The following PDE10A variants were observed in gnomAD, a reference collection of about 807,000 sequenced individuals.
PDE10A encodes cAMP and cAMP-inhibited cGMP 3',5'-cyclic phosphodiesterase 10A.
Under a neutral mutation model 97.7 loss-of-function variants are expected in PDE10A, and 39 were observed. The ratio of observed to expected loss-of-function variants is 0.40; its 90% CI spans 0.31 to 0.52. PDE10A has a LOEUF of 0.52. Among genes scored for constraint, PDE10A ranks in the 20% least tolerant of loss-of-function variants. The pLI, the probability that PDE10A is intolerant of heterozygous loss-of-function variation, is 0.56. For synonymous variants in PDE10A, 371 were observed against 376.8 expected (o/e 0.98, Z 0.18); for missense variants, 731 against 1,047.8 (o/e 0.70, Z 4.17).
At chr6:165,794,551 TCA>T (rs1236929637) in intron 1 of PDE10A, among the ~76,000 whole-genome samples, 1 of 151,328 alleles carries the variant, frequency 6.6e-6, no homozygotes, top group South Asian at 2.1e-4. Context: ...CATTACACAC[TCA>T]CAAGGTCACT....
At chr6:165,539,067 G>T (rs969532048) in intron 2 of PDE10A, among the ~76,000 whole-genome samples, 2 of 152,096 alleles carry the variant, frequency 1.3e-5, no homozygotes, top group Non-Finnish European at 1.5e-5. Flanking sequence ...TTCTGAGGAT[G>T]TATCGGCTTT....
chr6:165,890,656 C>T (rs1427417169), intron 1 of PDE10A, among the ~76,000 whole-genome samples: 1 of 152,196 alleles, frequency 6.6e-6, no homozygotes, highest in Admixed American at 6.5e-5. Context: ...AAAGACGTTC[C>T]TGCCTTTACC....
intron 18 of PDE10A, among the ~76,000 whole-genome samples, chr6:165,373,837 T>C (rs1441986781): frequency 6.6e-6 from 1 of 151,706 alleles, no homozygotes; most frequent in Non-Finnish European, 1.5e-5. Flanking sequence ...AACCCAAATG[T>C]CCAACAATGA....
Position 165,448,883 on chromosome 6 carries a change from A to G in PDE10A, c.1194+45T>C, listed in dbSNP as rs1791066169. On this transcript the variant is annotated intron_variant, in intron 5 of 21. Transcript: ENST00000539869. Reference sequence around the variant, plus strand: ...TATAACTTTTTTAAAGGAGCTTATGATATTTTCTTATCTAGAGCACCAAAA... The same window carrying G: ...TATAACTTTTTTAAAGGAGCTTATGGTATTTTCTTATCTAGAGCACCAAAA... 5 of 1,185,480 alleles carry G rather than the reference A, an allele frequency of 4.2e-6. No individual in the cohort carries two copies. In the East Asian group the frequency reaches 1.2e-4, roughly 28 times the overall value. The allele number at this position is 1,185,480 out of a possible 1,614,324, so 73.4% of individuals were successfully genotyped here. A position where few individuals can be genotyped will look rare whatever the true frequency, so the allele number is the denominator to read the frequency against.
At chr6:165,479,739 T>A (rs915211358) in intron 3 of PDE10A, among the ~76,000 whole-genome samples, 9 of 152,020 alleles carry the variant, frequency 5.9e-5, no homozygotes, top group Admixed American at 6.6e-5. Flanking sequence ...CCACAGCACC[T>A]TAGAACAATG....
intron 13 of PDE10A, 70 bp downstream of exon 13, chr6:165,413,431 G>A (rs769030921): frequency 6.4e-4 from 700 of 1,085,570 alleles, no homozygotes; most frequent in Non-Finnish European, 8.5e-4. Context: ...AAGCCCTTAA[G>A]CTGCTTTATG....
chr6:165,619,464 CTAGTG>C (rs1787978801), intron 1 of PDE10A, among the ~76,000 whole-genome samples: 9 of 4,480 alleles, frequency 2.0e-3, no homozygotes, highest in East Asian at 7.8e-3. Context: ...GTAGTGTAGT[CTAGTG>C]TAGTGTAGTC....
intron 1 of PDE10A, among the ~76,000 whole-genome samples, chr6:165,653,384 G>A (rs756322475): frequency 2.0e-5 from 3 of 152,170 alleles, no homozygotes; most frequent in African/African-American, 4.8e-5. Flanking sequence ...GGACCATGAC[G>A]AAGCCTAGGA....
At chr6:165,664,704 C>T (rs779654788), upstream of PDE10A, among the ~76,000 whole-genome samples, 1 of 152,234 alleles carries the variant, frequency 6.6e-6, no homozygotes, top group Non-Finnish European at 1.5e-5. Flanking sequence ...GGTTACTTTG[C>T]TGCGAGTCCG....
At chr6:165,430,979 G>A (rs73788381) in intron 8 of PDE10A, among the ~76,000 whole-genome samples, 3,176 of 152,144 alleles carry the variant, frequency 0.021, 97 homozygotes, top group African/African-American at 0.07. Flanking sequence ...ATAAGTAGTT[G>A]GTGATTTTTA....
At chr6:165,911,198 C>T (rs1782444124) in intron 1 of PDE10A, among the ~76,000 whole-genome samples, 1 of 152,096 alleles carries the variant, frequency 6.6e-6, no homozygotes, top group African/African-American at 2.4e-5. Flanking sequence ...AACTTAAAAA[C>T]CCAAAACATC....
intron 1 of PDE10A, among the ~76,000 whole-genome samples, chr6:165,887,744 C>G (rs192813055): frequency 6.6e-6 from 1 of 152,294 alleles, no homozygotes; most frequent in African/African-American, 2.4e-5. Context: ...TCACCTTTAT[C>G]TTTATTTTAC....
intron 1 of PDE10A, among the ~76,000 whole-genome samples, chr6:165,592,937 T>C (rs1489742567): frequency 2.6e-5 from 4 of 152,186 alleles, no homozygotes; most frequent in African/African-American, 9.7e-5. Context: ...GACCCAGCCA[T>C]CCCATTACTG....
At chr6:165,793,865 T>G (rs1018085681) in intron 1 of PDE10A, among the ~76,000 whole-genome samples, 1 of 152,238 alleles carries the variant, frequency 6.6e-6, no homozygotes, top group Non-Finnish European at 1.5e-5. Flanking sequence ...TTGCATTTGT[T>G]AGATGCTTAT....
intron 1 of PDE10A, among the ~76,000 whole-genome samples, chr6:165,605,519 A>C (rs955150892): frequency 6.6e-6 from 1 of 152,158 alleles, no homozygotes; most frequent in Non-Finnish European, 1.5e-5. Context: ...AATCAGAGTT[A>C]AAATTACTTC....
intron 1 of PDE10A, among the ~76,000 whole-genome samples, chr6:165,816,993 G>A (rs914549552): frequency 6.6e-6 from 1 of 152,048 alleles, no homozygotes; most frequent in African/African-American, 2.4e-5. Context: ...GCAAAGAGTT[G>A]GAACCTAACA....
At chr6:165,907,917 C>T (rs370130986) in intron 1 of PDE10A, among the ~76,000 whole-genome samples, 2 of 152,304 alleles carry the variant, frequency 1.3e-5, no homozygotes, top group African/African-American at 4.8e-5. Flanking sequence ...TCATTGCTAC[C>T]TAAACCAACA....
chr6:165,969,670 G>C lies in PDE10A; in HGVS notation c.-615+17859C>G, dbSNP rs1382152583. Among the ~76,000 whole-genome samples the C allele has an allele frequency of 2.6e-5, 4 of 152,098 alleles. No homozygotes were observed. The East Asian group carries it at 7.7e-4, about 29-fold the overall frequency. On this transcript the variant is annotated intron_variant, in intron 1 of 19. Coordinates refer to the PDE10A transcript ENST00000366882. ...TACAGCTATAAATGTATTTGTATAT[G>C]TATACATGTCTCATCTCTAAACAGA...
At position 165,789,998 on chromosome 6, in the gene PDE10A, A is replaced by G. The variant is rs1271922035; in HGVS notation, c.-615+197531T>C. Among the ~76,000 whole-genome samples the G allele has an allele frequency of 2.0e-5, 3 of 152,326 alleles. No individual in the cohort carries two copies. The East Asian group carries it at 5.8e-4, about 29-fold the overall frequency. ...GAAAGGCCACATTTGGGGAACTGTC[A>G]ATTTTCAAACTGTATAATCTACTGG... On this transcript the variant is annotated intron_variant, in intron 1 of 19. Transcript: ENST00000366882.
Sources: allele counts gnomAD v4.1 joint callset (sites outside exome capture counted in the v4.1 genomes callset), GRCh38; gene constraint gnomAD v4.1.1; transcripts MANE v1.5; gene names NCBI Gene and HGNC (gene_info 2026-07-23, HGNC 2026-07-21).